MORC1: variants seen among roughly 807,000 people sequenced by gnomAD.
MORC1 encodes MORC family CW-type zinc finger protein 1.
A neutral mutation model predicts 134.9 loss-of-function variants in MORC1; 59 were observed. The ratio of observed to expected loss-of-function variants is 0.44; its 90% CI spans 0.35 to 0.54. MORC1 has a LOEUF of 0.54. Among genes scored for constraint, MORC1 ranks in the 20% least tolerant of loss-of-function variants. The pLI is 0.00. For missense variants in MORC1, 947 were observed against 1,134.5 expected (o/e 0.83, Z 2.37); for synonymous variants, 395 against 391.7 (o/e 1.01, Z -0.10).
At chr3:109,114,267 G>T in intron 2 of MORC1, 117 bp downstream of exon 2, 3 of 867,042 alleles carry the variant, frequency 3.5e-6, no homozygotes, top group Non-Finnish European at 5.1e-6. Flanking sequence ...AGGAAATCAA[G>T]TCACAAAACA....
At chr3:109,049,128 C>T (rs1301021241) in intron 14 of MORC1, 23 of 983,674 alleles carry the variant, frequency 2.3e-5, no homozygotes, top group African/African-American at 3.5e-5. Flanking sequence ...CTTCATCACT[C>T]GACGTGTATC....
At chr3:108,996,290 A>ACACACACACACACACT (rs1948223171) in intron 21 of MORC1, among the ~76,000 whole-genome samples, 1 of 63,132 alleles carries the variant, frequency 1.6e-5, no homozygotes. Flanking sequence ...GCGCGCGCAC[A>ACACACACACACACACT]CACACACACA....
chr3:109,035,228 G>A, intron 15 of MORC1, 112 bp downstream of exon 15: 1 of 1,014,336 alleles, frequency 9.9e-7, no homozygotes, highest in South Asian at 1.6e-5. Context: ...GTAAACTCCT[G>A]GAAAGCAAGA....
In MORC1 at chr3:109,100,434, G is replaced by T; in HGVS notation, c.297C>A (p.Tyr99Ter). The T allele has an allele frequency of 1.2e-6, 2 of 1,612,348 alleles. No homozygotes were observed. Among genetic ancestry groups the T allele is most frequent in the Non-Finnish European group, 1.7e-6 (2 of 1,178,544 alleles). The change falls in exon 5 of 28, where the codon TAC becomes TAA. Residue 99 changes from tyrosine to a stop codon, truncating the protein, a stop_gained. Coordinates refer to ENST00000232603, the MANE Select transcript of MORC1 (RefSeq NM_014429.4). LOFTEE classifies it high-confidence loss of function. ...ATTCTCACCTTTTAAGACCATTGCC[G>T]TATTGCCCTATGAACTTCAAGGTTG... ...RLSTLKFIGQ[Y>*]GNGLKSGSMR...
chr3:109,093,549 A>G lies in MORC1; in HGVS notation c.584-8T>C. ...AAATAACCAGCAAAGTACCTGGTAG[A>G]AAAATAGATGTTTGACTTGTCAGTA... On this transcript the variant is annotated splice_region_variant and splice_polypyrimidine_tract_variant and intron_variant, in intron 7 of 27. Transcript: ENST00000232603. 6.3e-7 allele frequency: 1 copy of G among 1,575,888 alleles called. No homozygotes were observed. Among genetic ancestry groups the G allele is most frequent in the Non-Finnish European group, 8.7e-7 (1 of 1,145,766 alleles).
chr3:108,982,926 A>G (rs1162632130), intron 23 of MORC1, among the ~76,000 whole-genome samples: 3 of 144,272 alleles, frequency 2.1e-5, no homozygotes, highest in African/African-American at 7.9e-5. Flanking sequence ...ATAAAGGAAT[A>G]TACTAGTTTT....
At chr3:108,995,794 T>G (rs1294845850) in intron 21 of MORC1, among the ~76,000 whole-genome samples, 1 of 152,196 alleles carries the variant, frequency 6.6e-6, no homozygotes, top group African/African-American at 2.4e-5. Flanking sequence ...TGGATTGGTC[T>G]TTTAAAATTG....
intron 26 of MORC1, among the ~76,000 whole-genome samples, chr3:108,968,652 A>G (rs993187596): frequency 3.3e-5 from 5 of 152,224 alleles, no homozygotes; most frequent in Non-Finnish European, 5.9e-5. Context: ...GCACAACTCC[A>G]GGAAGGGCCA....
chr3:109,044,390 C>G (rs955396605), intron 14 of MORC1, among the ~76,000 whole-genome samples: 2 of 151,790 alleles, frequency 1.3e-5, no homozygotes, highest in African/African-American at 4.8e-5. Context: ...AACCCCATCT[C>G]TACTAAAAAT....
chr3:109,006,296 G>A (rs1260381828), intron 18 of MORC1, among the ~76,000 whole-genome samples: 1 of 152,116 alleles, frequency 6.6e-6, no homozygotes, highest in Admixed American at 6.5e-5. Context: ...TTATTTCTGG[G>A]TTCATTGGTC....
At chr3:108,964,133 C>T (rs1392542034) in intron 26 of MORC1, among the ~76,000 whole-genome samples, 1 of 152,168 alleles carries the variant, frequency 6.6e-6, no homozygotes, top group Non-Finnish European at 1.5e-5. Context: ...TCTTCGGGTT[C>T]CTTATCGTGA....
At chr3:109,016,039 T>C (rs1948809885) in intron 17 of MORC1, among the ~76,000 whole-genome samples, 1 of 152,194 alleles carries the variant, frequency 6.6e-6, no homozygotes, top group African/African-American at 2.4e-5. Flanking sequence ...ATACACACAG[T>C]CTCAAGGTAA....
At chr3:108,996,286 G>GCGCGCGCGCACGCACACACACACACA in intron 21 of MORC1, among the ~76,000 whole-genome samples, 3 of 146,382 alleles carry the variant, frequency 2.0e-5, no homozygotes, top group African/African-American at 7.7e-5. Context: ...GCGCGCGCGC[G>GCGCGCGCGCACGCACACACACACACA]CACACACACA....
chr3:109,080,285 A>G (rs1440660273), intron 8 of MORC1, among the ~76,000 whole-genome samples: 1 of 152,178 alleles, frequency 6.6e-6, no homozygotes, highest in Admixed American at 6.5e-5. Context: ...GGCAGCAGGT[A>G]AAGAGAGAGA....
intron 2 of MORC1, among the ~76,000 whole-genome samples, chr3:109,112,529 GA>G (rs1355057707): frequency 1.3e-5 from 2 of 152,184 alleles, no homozygotes; most frequent in African/African-American, 4.8e-5. Context: ...CGTCCATGAA[GA>G]AAGAGGGACT....
intron 9 of MORC1, among the ~76,000 whole-genome samples, chr3:109,068,194 A>C (rs1214316933): frequency 6.6e-6 from 1 of 152,204 alleles, no homozygotes; most frequent in Non-Finnish European, 1.5e-5. Flanking sequence ...CCTCAAAACA[A>C]GAATTAATCT....
chr3:108,986,096 T>A (rs981093755), intron 22 of MORC1, among the ~76,000 whole-genome samples: 1 of 152,072 alleles, frequency 6.6e-6, no homozygotes, highest in African/African-American at 2.4e-5. Context: ...TTGGGAATGA[T>A]GAAACCAAAT....
chr3:108,994,421 T>C (rs1948143795), intron 21 of MORC1, among the ~76,000 whole-genome samples: 1 of 151,952 alleles, frequency 6.6e-6, no homozygotes, highest in Non-Finnish European at 1.5e-5. Flanking sequence ...GTATGGTTCC[T>C]GGTTATTAAA....
intron 24 of MORC1, among the ~76,000 whole-genome samples, chr3:108,976,565 A>G (rs1452404971): frequency 6.6e-6 from 1 of 152,276 alleles, no homozygotes; most frequent in East Asian, 1.9e-4. Flanking sequence ...GAAATTTGAG[A>G]AAACATACTA....
Sources: allele counts gnomAD v4.1 joint callset (sites outside exome capture counted in the v4.1 genomes callset), GRCh38; gene constraint gnomAD v4.1.1; transcripts MANE v1.5; gene names NCBI Gene and HGNC (gene_info 2026-07-23, HGNC 2026-07-21).